TNS3: variants seen among roughly 807,000 people sequenced by gnomAD.
TNS3 encodes the protein tensin 3, also known as tensin-3.
TNS3 carries 45 observed loss-of-function variants against 140.9 expected under a neutral mutation model. That is an observed-to-expected ratio of 0.32 (90% CI 0.25 to 0.41). TNS3 has a LOEUF of 0.41. TNS3 is among the 10% of genes least tolerant of loss of function. TNS3 has a pLI of 1.00. For synonymous variants in TNS3, 815 were observed against 788.4 expected (o/e 1.03, Z -0.56); for missense variants, 1,716 against 1,906.7 (o/e 0.90, Z 1.86).
At chr7:47,295,021 T>C (rs910690828) in intron 24 of TNS3, among the ~76,000 whole-genome samples, 1 of 152,144 alleles carries the variant, frequency 6.6e-6, no homozygotes, top group East Asian at 1.9e-4. Context: ...TGTGGCTCTT[T>C]ATGACCTGGT....
At chr7:47,413,251 CT>C (rs71003398) in intron 12 of TNS3, among the ~76,000 whole-genome samples, 11,561 of 51,614 alleles carry the variant, frequency 0.22, 344 homozygotes, top group Non-Finnish European at 0.29. Context: ...CAAGCCTGGC[CT>C]TTTTTTTTTT....
intron 1 of TNS3, among the ~76,000 whole-genome samples, chr7:47,578,069 T>G (rs1301070049): frequency 6.6e-6 from 1 of 150,574 alleles, no homozygotes; most frequent in Non-Finnish European, 1.5e-5. Flanking sequence ...ACCCCACGCT[T>G]TGGGAGGCCG....
chr7:47,582,501 C>G, upstream of TNS3: 2 of 456,594 alleles, frequency 4.4e-6, no homozygotes, highest in South Asian at 3.1e-5. Flanking sequence ...GATTAAGGTG[C>G]TCTCCGGGAG....
intron 16 of TNS3, among the ~76,000 whole-genome samples, chr7:47,388,820 T>C (rs1031460935): frequency 2.0e-5 from 3 of 151,398 alleles, no homozygotes; most frequent in East Asian, 1.9e-4. Context: ...TGAGCCAAGA[T>C]TGGGCAGCTG....
chr7:47,369,512 G>A lies in TNS3; in HGVS notation c.1134C>T (p.Asn378=), dbSNP rs1425261286. The change falls in exon 17 of 31, where the codon AAC becomes AAT. Residue 378 remains asparagine (N), a synonymous_variant. Coordinates refer to ENST00000311160, the MANE Select transcript of TNS3 (RefSeq NM_022748.12). ...AGGTGTGGTCACTGTGGTCTGGGCT[G>A]TTGGTGGCCGGGATTGCCTGGGGGC... ...PGGPQAIPAT[N]SPDHSDHTLS... is the part of the protein sequence containing the mutation. 1.1e-5 allele frequency: 18 copies of A among 1,613,924 alleles called. No homozygotes were observed. The highest frequency in any genetic ancestry group is 1.4e-5 in the Non-Finnish European group (17 of 1,179,978).
At chr7:47,452,451 TA>T (rs1562760659) in intron 4 of TNS3, among the ~76,000 whole-genome samples, 1 of 152,214 alleles carries the variant, frequency 6.6e-6, no homozygotes, top group Non-Finnish European at 1.5e-5. Flanking sequence ...GGTGGGAAAC[TA>T]AAATAAAGTC....
At chr7:47,423,813 C>G (rs893384542) in intron 10 of TNS3, among the ~76,000 whole-genome samples, 3 of 152,206 alleles carry the variant, frequency 2.0e-5, no homozygotes, top group African/African-American at 7.2e-5. Context: ...GAAATCAAAA[C>G]TCACTCACTG....
At chr7:47,532,405 A>G (rs1264755501) in intron 1 of TNS3, among the ~76,000 whole-genome samples, 1 of 152,156 alleles carries the variant, frequency 6.6e-6, no homozygotes, top group East Asian at 1.9e-4. Context: ...CAGCCAGAGC[A>G]AGAGAGAGGA....
At position 47,503,607 on chromosome 7, in the gene TNS3, C is replaced by T. The variant is rs150636997; in HGVS notation, c.-115+3300G>A. Among the ~76,000 whole-genome samples the T allele has an allele frequency of 4.7e-3, 631 of 135,220 alleles. 5 individuals are homozygous for T. The highest frequency in any genetic ancestry group is 0.016 in the African/African-American group (605 of 36,994). The allele number at this position is 135,220 out of a possible 152,430, so 88.7% of individuals were successfully genotyped here. On this transcript the variant is annotated intron_variant, in intron 3 of 30. Coordinates refer to ENST00000311160, the MANE Select transcript of TNS3 (RefSeq NM_022748.12). ...GACTTCCCTGAAACTTAAGTATTAA[C>T]ATAACCAACAGCTAAGAGAAAGTTA...
intron 2 of TNS3, among the ~76,000 whole-genome samples, chr7:47,507,598 G>A (rs1302920374): frequency 1.3e-5 from 2 of 152,166 alleles, no homozygotes; most frequent in Admixed American, 6.5e-5. Context: ...TCCCTTCGGA[G>A]GCCCTAACAA....
intron 2 of TNS3, among the ~76,000 whole-genome samples, chr7:47,518,927 G>C (rs576295039): frequency 3.9e-5 from 6 of 152,326 alleles, no homozygotes; most frequent in African/African-American, 1.4e-4. Flanking sequence ...ATCAATCGAG[G>C]TGGACTTAAT....
chr7:47,352,368 TCACA>T (rs1274131078), intron 17 of TNS3, among the ~76,000 whole-genome samples: 1 of 152,192 alleles, frequency 6.6e-6, no homozygotes. Context: ...ATTCTCACAC[TCACA>T]CTCACGCACA....
intron 11 of TNS3, 69 bp downstream of exon 11, chr7:47,415,025 G>T: frequency 2.6e-6 from 3 of 1,175,980 alleles, no homozygotes; most frequent in South Asian, 2.7e-5. Flanking sequence ...TATCTAAATT[G>T]AGGGGCCCAG....
chr7:47,445,216 AG>A (rs1795668778), intron 4 of TNS3, among the ~76,000 whole-genome samples: 1 of 152,208 alleles, frequency 6.6e-6, no homozygotes, highest in African/African-American at 2.4e-5. Flanking sequence ...TCATGCCTCC[AG>A]ATGTGCAAAC....
intron 2 of TNS3, among the ~76,000 whole-genome samples, chr7:47,517,817 G>C (rs1798829833): frequency 6.6e-6 from 1 of 152,168 alleles, no homozygotes; most frequent in African/African-American, 2.4e-5. Flanking sequence ...GGGTTCCACA[G>C]TCATTTCTGT....
chr7:47,512,476 A>G (rs1455179753), intron 2 of TNS3, among the ~76,000 whole-genome samples: 1 of 152,242 alleles, frequency 6.6e-6, no homozygotes, highest in African/African-American at 2.4e-5. Flanking sequence ...AAAATTACAT[A>G]TATATACAAA....
intron 2 of TNS3, among the ~76,000 whole-genome samples, chr7:47,515,374 T>C (rs2964945): frequency 0.01 from 1,534 of 152,190 alleles, 9 homozygotes; most frequent in Non-Finnish European, 0.016. Flanking sequence ...ATCGTTACCA[T>C]TGCCATTGTT....
At chr7:47,311,028 T>C (rs1181946025) in intron 20 of TNS3, among the ~76,000 whole-genome samples, 2 of 152,178 alleles carry the variant, frequency 1.3e-5, no homozygotes, top group African/African-American at 4.8e-5. Context: ...GCAATAAGCA[T>C]ACGTGTGCAT....
chr7:47,445,137 C>T (rs994554741), intron 4 of TNS3, among the ~76,000 whole-genome samples: 5 of 152,166 alleles, frequency 3.3e-5, no homozygotes, highest in Admixed American at 1.3e-4. Context: ...AGCTCAGGGC[C>T]ACCCTCCAAA....
Sources: allele counts gnomAD v4.1 joint callset (sites outside exome capture counted in the v4.1 genomes callset), GRCh38; gene constraint gnomAD v4.1.1; transcripts MANE v1.5; gene names NCBI Gene and HGNC (gene_info 2026-07-23, HGNC 2026-07-21).